EYA1: variants seen among roughly 807,000 people sequenced by gnomAD.
EYA1 encodes EYA transcriptional coactivator and phosphatase 1.
A neutral mutation model predicts 82.0 loss-of-function variants in EYA1; 16 were observed. The ratio of observed to expected loss-of-function variants is 0.20; its 90% confidence interval spans 0.13 to 0.30. The LOEUF is 0.30. Ranked by LOEUF, EYA1 falls within the 10% of genes least tolerant of loss-of-function variation. The probability of loss-of-function intolerance (pLI) is 1.00; values close to 1 mark genes in which losing one functional copy is unlikely to be tolerated. For synonymous variants in EYA1, 261 were observed against 264.4 expected (o/e 0.99, Z 0.12); for missense variants, 633 against 730.7 (o/e 0.87, Z 1.54).
At chr8:71,344,326 G>A (rs1423060374) in intron 3 of EYA1, among the ~76,000 whole-genome samples, 3 of 152,058 alleles carry the variant, frequency 2.0e-5, no homozygotes, top group Non-Finnish European at 1.5e-5. Context: ...GCAATACAAC[G>A]TTCTCAATTT....
At chr8:71,343,263 T>A (rs959313418) in intron 3 of EYA1, among the ~76,000 whole-genome samples, 1 of 152,172 alleles carries the variant, frequency 6.6e-6, no homozygotes, top group Non-Finnish European at 1.5e-5. Flanking sequence ...GGTGCTATAT[T>A]CCCCAAGTGC....
At chr8:71,348,642 T>C (rs1825994391) in intron 3 of EYA1, among the ~76,000 whole-genome samples, 1 of 152,192 alleles carries the variant, frequency 6.6e-6, no homozygotes, top group African/African-American at 2.4e-5. Context: ...GGTGAGAGGC[T>C]AGAGCCTATC....
chr8:71,359,897 T>TA (rs921425915), intron 1 of EYA1, among the ~76,000 whole-genome samples: 5 of 152,044 alleles, frequency 3.3e-5, no homozygotes, highest in African/African-American at 4.8e-5. Context: ...GTATTTTATG[T>TA]AAAAAAAATT....
chr8:71,460,333 C>T (rs950200279), intron 2 of EYA1, among the ~76,000 whole-genome samples: 5 of 152,174 alleles, frequency 3.3e-5, no homozygotes, highest in South Asian at 2.1e-4. Context: ...ACCTGAGCAT[C>T]GGTTTTAAAA....
At position 71,241,339 on chromosome 8, in the gene EYA1, C is replaced by T. The variant is rs1379454666; in HGVS notation, c.1140+3264G>A. Reference sequence around the variant, plus strand: ...ATGAATTAACTTAGTTCTTAGAGTTCGATTAAGATATTTCTAAAGTACTTC... The same window carrying T: ...ATGAATTAACTTAGTTCTTAGAGTTTGATTAAGATATTTCTAAAGTACTTC... On this transcript the variant is annotated intron_variant, in intron 12 of 17. Coordinates refer to ENST00000340726, the MANE Select transcript of EYA1 (RefSeq NM_000503.6). Among the ~76,000 whole-genome samples the T allele has an allele frequency of 3.3e-5, 5 of 152,002 alleles. No individual in the cohort carries two copies. In the South Asian group the frequency reaches 8.3e-4, roughly 25 times the overall value.
intron 4 of EYA1, among the ~76,000 whole-genome samples, chr8:71,327,332 A>G (rs1248346856): frequency 6.6e-6 from 1 of 152,242 alleles, no homozygotes; most frequent in Non-Finnish European, 1.5e-5. Context: ...TTGTTACACA[A>G]TATTTTTTCT....
intron 12 of EYA1, among the ~76,000 whole-genome samples, chr8:71,220,510 G>A (rs558389341): frequency 2.1e-4 from 32 of 152,198 alleles, no homozygotes; most frequent in African/African-American, 6.5e-4. Context: ...TAAACTAATG[G>A]GTATCTTAGC....
At chr8:71,205,187 A>G (rs1449709618) in intron 17 of EYA1, among the ~76,000 whole-genome samples, 2 of 152,180 alleles carry the variant, frequency 1.3e-5, no homozygotes, top group Non-Finnish European at 2.9e-5. Context: ...CTCACTGTGC[A>G]GAAAATGGAT....
At chr8:71,428,833 G>A (rs973284968) in intron 2 of EYA1, among the ~76,000 whole-genome samples, 3 of 152,060 alleles carry the variant, frequency 2.0e-5, no homozygotes, top group African/African-American at 4.8e-5. Context: ...AAAATGCCAG[G>A]AGAAACAAGA....
intron 2 of EYA1, among the ~76,000 whole-genome samples, chr8:71,406,844 G>A (rs1194995142): frequency 0.01 from 1,439 of 143,172 alleles, 22 homozygotes; most frequent in South Asian, 0.044. Context: ...CAAAGCAGCC[G>A]GGAAGCTCGA....
chr8:71,247,747 AC>A (rs1813283009), intron 11 of EYA1, among the ~76,000 whole-genome samples: 1 of 152,164 alleles, frequency 6.6e-6, no homozygotes, highest in African/African-American at 2.4e-5. Flanking sequence ...AATAGACCCT[AC>A]AGCTGAATTA....
At chr8:71,304,501 CT>C (rs1239228105) in intron 7 of EYA1, among the ~76,000 whole-genome samples, 4 of 142,672 alleles carry the variant, frequency 2.8e-5, no homozygotes, top group Admixed American at 2.8e-4. Context: ...CTTATTCTTC[CT>C]AGGCAAATAC....
intron 2 of EYA1, among the ~76,000 whole-genome samples, chr8:71,501,479 C>T (rs974502866): frequency 5.3e-5 from 8 of 152,176 alleles, no homozygotes; most frequent in African/African-American, 1.4e-4. Context: ...GTCAGTAAAG[C>T]TCTAACTACC....
At chr8:71,304,850 C>A (rs1371688481) in intron 7 of EYA1, among the ~76,000 whole-genome samples, 1 of 142,320 alleles carries the variant, frequency 7.0e-6, no homozygotes, top group Admixed American at 7.0e-5. Flanking sequence ...GCCAACACTA[C>A]CAGATGGATT....
intron 2 of EYA1, among the ~76,000 whole-genome samples, chr8:71,460,711 A>T (rs1465339681): frequency 6.6e-6 from 1 of 152,226 alleles, no homozygotes; most frequent in African/African-American, 2.4e-5. Flanking sequence ...ACCATTGTGG[A>T]TTCTTCTTCC....
chr8:71,370,169 T>A (rs1827997145), intron 2 of EYA1, among the ~76,000 whole-genome samples: 1 of 151,948 alleles, frequency 6.6e-6, no homozygotes. Flanking sequence ...AATTTAAAAA[T>A]TTAAAACAGT....
intron 1 of EYA1, among the ~76,000 whole-genome samples, chr8:71,546,219 C>A (rs1815559635): frequency 6.6e-6 from 1 of 152,188 alleles, no homozygotes; most frequent in African/African-American, 2.4e-5. Flanking sequence ...TTTTCCCCAT[C>A]CGAGTACCAG....
intron 16 of EYA1, among the ~76,000 whole-genome samples, chr8:71,213,797 C>T (rs928017942): frequency 8.5e-5 from 13 of 152,142 alleles, no homozygotes; most frequent in South Asian, 2.1e-4. Context: ...TTAATTGTGC[C>T]GCTATTGACG....
chr8:71,529,344 A>C (rs1254318044), intron 2 of EYA1: 1 of 152,238 alleles, frequency 6.6e-6, no homozygotes, highest in Non-Finnish European at 1.5e-5. Context: ...AAGATGAAAA[A>C]TTAGTACACT....
Sources: allele counts gnomAD v4.1 joint callset (sites outside exome capture counted in the v4.1 genomes callset), GRCh38; gene constraint gnomAD v4.1.1; transcripts MANE v1.5; gene names NCBI Gene and HGNC (gene_info 2026-07-23, HGNC 2026-07-21).